The following PRRC2A variants were observed in gnomAD, a reference collection of about 807,000 sequenced individuals.
PRRC2A encodes proline rich coiled-coil 2A, also known as protein PRRC2A.
PRRC2A carries 59 observed loss-of-function variants against 224.6 expected under a neutral mutation model. The ratio of observed to expected loss-of-function variants is 0.26; its 90% confidence interval spans 0.21 to 0.33. The LOEUF (loss-of-function observed/expected upper bound fraction) is 0.33. Ranked by LOEUF, PRRC2A falls within the 10% of genes least tolerant of loss-of-function variation. The pLI is 1.00. For synonymous variants in PRRC2A, 1,194 were observed against 1,109.5 expected, an observed-to-expected ratio of 1.08 and a Z score of -1.51; for missense variants, 3,095 against 2,880.7, an observed-to-expected ratio of 1.07 and a Z score of -1.70.
In PRRC2A at chr6:31,625,193, G is replaced by A. The variant is rs1444051535; in HGVS notation, c.486G>A (p.Leu162=). 1 of 1,612,896 alleles carries A rather than the reference G, an allele frequency of 6.2e-7. No individual in the cohort carries two copies. Among genetic ancestry groups the A allele is most frequent in the Non-Finnish European group, 8.5e-7 (1 of 1,179,984 alleles). ...TAGGTGGAAGGGCATCAAGCCTACTGTCACGATTCTCTCGAGAGGAATTTC... is the reference window on the plus strand; with the variant it reads ...TAGGTGGAAGGGCATCAAGCCTACTATCACGATTCTCTCGAGAGGAATTTC... ...HGDGGRASSL[L]SRFSREEFPT... Residue 162 remains leucine (L), a synonymous_variant, in exon 6 of 31, where the codon CTG becomes CTA. Coordinates refer to ENST00000376033, the MANE Select transcript of PRRC2A (RefSeq NM_004638.4). This position sits in a 1 kb window ranked among gnomAD's most constrained non-coding sequence, Gnocchi z 4.1.
rs559211815 is a variant in PRRC2A at position 31,630,988 on chromosome 6, C to T, written c.2466-151C>T. 49 of 1,194,158 alleles carry T rather than the reference C, an allele frequency of 4.1e-5. No homozygotes were observed. The East Asian group carries it at 1.0e-3, about 25-fold the overall frequency. 74.0% of individuals were successfully genotyped at this position (1,194,158 alleles called of 1,614,324 possible). A position where few individuals can be genotyped will look rare whatever the true frequency, so the allele number is the denominator to read the frequency against. On this transcript the variant is annotated intron_variant, in intron 15 of 30. Coordinates refer to ENST00000376033, the MANE Select transcript of PRRC2A (RefSeq NM_004638.4). ...AGAAGATTGCTTGAGCCCAGCAGTT[C>T]GAGACTAGCCTCGGCAACTGGATGC...
At chr6:31,634,163 C>T in intron 18 of PRRC2A, 73 bp from the exon 19 acceptor site, 1 of 1,570,550 alleles carries the variant, frequency 6.4e-7, no homozygotes, top group South Asian at 1.2e-5. Context: ...TGTCACCCCA[C>T]TCTGTCCTGG....
Position 31,623,818 on chromosome 6 carries a change from G to A in PRRC2A, c.199G>A (p.Ala67Thr). The A allele has an allele frequency of 1.9e-6, 3 of 1,614,226 alleles. No individual in the cohort carries two copies. The change falls in exon 3 of 31, where the codon GCC (alanine) becomes ACC (threonine). Residue 67 changes from alanine (A) to threonine (T), a missense_variant. By Grantham distance (58) the Ala-to-Thr change is moderately conservative (BLOSUM62 0). This residue lies in a region of PRRC2A where 52 missense variants were observed against 77.9 expected (regional missense o/e 0.67). Coordinates refer to ENST00000376033, the MANE Select transcript of PRRC2A (RefSeq NM_004638.4). ...PPPANLPSLK[A>T]ENKGNDPNVS... The stretch of plus-strand genomic sequence containing the variant: ...TCCAGCCAACCTTCCAAGCCTGAAA[G>A]CCGAGAACAAAGGCAATGACCCCAA...
At chr6:31,624,769 A>G (rs2150497018) in intron 5 of PRRC2A, 1 of 586,444 alleles carries the variant, frequency 1.7e-6, no homozygotes, top group East Asian at 2.8e-5. Flanking sequence ...GAAGGCGGGA[A>G]ACCTGATGGT....
At chr6:31,633,680 CCA>C in intron 17 of PRRC2A, 33 bp downstream of exon 17, 2 of 1,580,174 alleles carry the variant, frequency 1.3e-6, no homozygotes, top group Non-Finnish European at 1.7e-6. Flanking sequence ...GGGAATATCT[CCA>C]TCCCCAGAGA....
intron 15 of PRRC2A, 32 bp downstream of exon 15, chr6:31,630,833 C>A: frequency 6.2e-7 from 1 of 1,607,982 alleles, no homozygotes; most frequent in Non-Finnish European, 8.5e-7. Flanking sequence ...TGGGTGAGTT[C>A]ACAGTGAAAG....
At chr6:31,637,015 G>T in intron 28 of PRRC2A, 27 bp from the exon 29 acceptor site, 1 of 1,595,772 alleles carries the variant, frequency 6.3e-7, no homozygotes, top group Non-Finnish European at 8.6e-7. Context: ...TTTCAAGGTA[G>T]GCAGCTCATG....
At position 31,625,670 on chromosome 6, in the gene PRRC2A, A is replaced by C. The variant is rs1775825572; in HGVS notation, c.759+59A>C. 2 of 1,602,698 alleles carry C rather than the reference A, an allele frequency of 1.2e-6. No individual in the cohort carries two copies. The highest frequency in any genetic ancestry group is 1.7e-6 in the Non-Finnish European group (2 of 1,170,462). ...ACTGGAAGCTGGAGAGCTAGGAATC[A>C]GGACTTAGTCTTTGACCTATGAGAT... On this transcript the variant is annotated intron_variant, in intron 7 of 30. Transcript: ENST00000376033. This position sits in a 1 kb window ranked among gnomAD's most constrained non-coding sequence, Gnocchi z 4.1.
chr6:31,632,553 A>C lies in PRRC2A; in HGVS notation c.3880A>C (p.Thr1294Pro). 2 of 1,611,764 alleles carry C rather than the reference A, an allele frequency of 1.2e-6. No individual in the cohort carries two copies. The highest frequency in any genetic ancestry group is 1.7e-6 in the Non-Finnish European group (2 of 1,179,248). The part of the protein sequence containing the change: ...PGPEEALTTV[T>P]VAPAPRRAAA... ...ACCTGAGGAGGCCCTCACAACAGTCACAGTGGCCCCAGCACCTCGCCGGGC... is the reference window on the plus strand; with the variant it reads ...ACCTGAGGAGGCCCTCACAACAGTCCCAGTGGCCCCAGCACCTCGCCGGGC... The change falls in exon 16 of 31, where the codon ACA (threonine) becomes CCA (proline). Residue 1294 changes from threonine to proline, a missense_variant. Thr to Pro is a conservative substitution (Grantham distance 38). Around this residue, in one of 8 missense-constraint regions of PRRC2A, gnomAD observed 2,001 missense variants for 1,764.9 expected, o/e 1.13. Coordinates refer to ENST00000376033, the MANE Select transcript of PRRC2A (RefSeq NM_004638.4).
At position 31,627,474 on chromosome 6, in the gene PRRC2A, C is replaced by T. The variant is rs1418450393; in HGVS notation, c.1290+276C>T. Reference sequence around the variant, plus strand: ...GAGAGGGAACAGAAAAATAAAAAGACTAGGGTGGCTAGATAGCTGGATCTG... The same window carrying T: ...GAGAGGGAACAGAAAAATAAAAAGATTAGGGTGGCTAGATAGCTGGATCTG... On this transcript the variant is annotated intron_variant, in intron 11 of 30. Transcript: ENST00000376033. The surrounding 1 kb of genome is among the most constrained non-coding windows in gnomAD (Gnocchi z 5.6). Among the ~76,000 whole-genome samples, 1 of 152,110 alleles carries T rather than the reference C, an allele frequency of 6.6e-6. No individual in the cohort carries two copies. The highest frequency in any genetic ancestry group is 1.5e-5 in the Non-Finnish European group (1 of 68,028).
chr6:31,623,356 C>T (rs896262263), intron 2 of PRRC2A: 3 of 407,634 alleles, frequency 7.4e-6, no homozygotes, highest in African/African-American at 6.3e-5. Context: ...CAACCTCCAC[C>T]TCCTGGGTTT....
chr6:31,622,799 C>A lies in PRRC2A; in HGVS notation c.10C>A (p.Arg4Ser). Residue 4 changes from arginine to serine, a missense_variant, in exon 2 of 31, where the codon CGC becomes AGC. Physicochemically the swap from Arg to Ser is moderately radical, Grantham distance 110. Coordinates refer to ENST00000376033, the MANE Select transcript of PRRC2A (RefSeq NM_004638.4). MSD[R>S]SGPTAKGKDG... ...ATGAGCTTCCAGCGCAATGTCCGATCGCTCGGGGCCGACTGCCAAGGGAAA... is the reference window on the plus strand; with the variant it reads ...ATGAGCTTCCAGCGCAATGTCCGATAGCTCGGGGCCGACTGCCAAGGGAAA... 1 of 1,612,788 alleles carries A rather than the reference C, an allele frequency of 6.2e-7. No homozygotes were observed. The highest frequency in any genetic ancestry group is 1.1e-5 in the South Asian group (1 of 91,016).
At position 31,633,899 on chromosome 6, in the gene PRRC2A, G is replaced by C; in HGVS notation, c.4629G>C (p.Val1543=). 6.3e-7 allele frequency: 1 copy of C among 1,582,476 alleles called. No homozygotes were observed. Among genetic ancestry groups the C allele is most frequent in the South Asian group, 1.2e-5 (1 of 85,678 alleles). The change falls in exon 18 of 31, where the codon GTG becomes GTC. Residue 1543 remains valine, a synonymous_variant. Coordinates refer to ENST00000376033, the MANE Select transcript of PRRC2A (RefSeq NM_004638.4). ...AGCCGGGGCCAATGGTGAGAGGGGTGGGTGGGACTCCTCGGGACTCTGCCG... is the reference window on the plus strand; with the variant it reads ...AGCCGGGGCCAATGGTGAGAGGGGTCGGTGGGACTCCTCGGGACTCTGCCG... The part of the protein sequence containing the change: ...FEEPGPMVRG[V]GGTPRDSAGV...
At chr6:31,623,965 G>A in intron 3 of PRRC2A, 56 bp downstream of exon 3, 2 of 1,586,612 alleles carry the variant, frequency 1.3e-6, no homozygotes, top group South Asian at 2.2e-5. Context: ...GAACTTCAGG[G>A]AGCATTGGGG....
rs751376148 is a variant in PRRC2A at position 31,630,608 on chromosome 6, C to A, written c.2272C>A (p.Arg758Ser). The change falls in exon 15 of 31, where the codon CGT (arginine) becomes AGT (serine). Residue 758 changes from arginine to serine, a missense_variant. Physicochemically the swap from Arg to Ser is moderately radical, Grantham distance 110 (BLOSUM62 -1). Transcript: ENST00000376033. ...TTCTTCAGGCCTAGTTCCCCGAGAG[C>A]GTTCAGACAGTGGGGGCTCAAGCTC... ...VHPSGLVPRERSDSGGSSSEP... is the reference protein window; with the variant it reads ...VHPSGLVPRESSDSGGSSSEP... 2.3e-5 allele frequency: 37 copies of A among 1,613,950 alleles called. No homozygotes were observed. The highest frequency in any genetic ancestry group is 3.0e-5 in the Non-Finnish European group (35 of 1,180,026).
chr6:31,632,012 T>C lies in PRRC2A; in HGVS notation c.3339T>C (p.His1113=). ...GCTCAGAAACAGGCAGCGAGACCCA[T>C]GAGAGTGATCTGGCTCCTTCAGACA... ...QRGSETGSET[H]ESDLAPSDKE... Residue 1113 remains histidine (H), a synonymous_variant, in exon 16 of 31, where the codon CAT becomes CAC. Coordinates refer to ENST00000376033, the MANE Select transcript of PRRC2A (RefSeq NM_004638.4). 6.2e-7 allele frequency: 1 copy of C among 1,609,206 alleles called. No individual in the cohort carries two copies. The highest frequency in any genetic ancestry group is 1.3e-5 in the African/African-American group (1 of 74,952).
Position 31,625,589 on chromosome 6 carries a change from A to G in PRRC2A, c.737A>G (p.Tyr246Cys). The stretch of plus-strand genomic sequence containing the variant: ...TCAGGCCCACCCCAGTTCCCTCCCT[A>G]CCGCGGAATGATGCCGCCTTTCGTG... ...QPSGPPQFPP[Y>C]RGMMPPFMYP... is the part of the protein sequence containing the mutation. Residue 246 changes from tyrosine (Y) to cysteine (C), a missense_variant, in exon 7 of 31, where the codon TAC becomes TGC. Tyr to Cys is a radical substitution (Grantham distance 194, BLOSUM62 -2). Around this residue, in one of 8 missense-constraint regions of PRRC2A, gnomAD observed 287 missense variants for 275.3 expected, o/e 1.04. Transcript: ENST00000376033. The surrounding 1 kb of genome is among the most constrained non-coding windows in gnomAD (Gnocchi z 4.1). 6.4e-7 allele frequency: 1 copy of G among 1,570,888 alleles called. No homozygotes were observed. Among genetic ancestry groups the G allele is most frequent in the Non-Finnish European group, 8.6e-7 (1 of 1,157,042 alleles).
At chr6:31,629,391 A>G in intron 13 of PRRC2A, 57 bp downstream of exon 13, 1 of 1,519,796 alleles carries the variant, frequency 6.6e-7, no homozygotes. Flanking sequence ...TTCGGTCCCT[A>G]ATTCTCTTCA....
rs1776457865 is a variant in PRRC2A, at chr6:31,630,720, T to C, written c.2384T>C (p.Val795Ala). The C allele has an allele frequency of 6.2e-7, 1 of 1,614,056 alleles. No individual in the cohort carries two copies. The highest frequency in any genetic ancestry group is 1.1e-5 in the South Asian group (1 of 91,078). The change falls in exon 15 of 31, where the codon GTC (valine) becomes GCC (alanine). Residue 795 changes from valine (V) to alanine (A), a missense_variant. Val to Ala is a moderately conservative substitution (Grantham distance 64). Transcript: ENST00000376033. ...VDPKLAWVGD[V>A]FTATPAEPRP... ...CCAAAGTTGGCCTGGGTAGGAGATG[T>C]CTTCACCGCCACACCCGCTGAACCC...
Sources: gnomAD v4.1 joint callset for allele counts (sites outside exome capture counted in the v4.1 genomes callset) on GRCh38, gnomAD v4.1.1 for gene constraint, gnomAD v4.1.1 regional missense constraint, Gnocchi (gnomAD v3.1) non-coding constraint, MANE v1.5 for transcripts, NCBI Gene and HGNC (gene_info 2026-07-23, HGNC 2026-07-21) for gene names.